Variants in SLC2A14 observed in about 807,000 individuals in gnomAD.
SLC2A14 encodes solute carrier family 2, facilitated glucose transporter member 14.
In SLC2A14, 13 loss-of-function variants were observed where a neutral mutation model predicts 43.0. That is an observed-to-expected ratio of 0.30 (90% CI 0.20 to 0.48). SLC2A14 has a LOEUF of 0.48. SLC2A14 is among the 20% of genes least tolerant of loss of function. SLC2A14 has a pLI of 0.99. For missense variants in SLC2A14, 428 were observed against 620.4 expected (o/e 0.69, Z 3.29); for synonymous variants, 190 against 233.8 (o/e 0.81, Z 1.71).
At chr12:7,832,685 C>T (rs774071896) in intron 3 of SLC2A14, 37 bp downstream of exon 3, 7 of 1,599,848 alleles carry the variant, frequency 4.4e-6, no homozygotes, top group Non-Finnish European at 5.1e-6. Context: ...AATAATTTCC[C>T]TATTCCAGAT....
chr12:7,886,524 G>C (rs114940241), intron 1 of SLC2A14, among the ~76,000 whole-genome samples: 1 of 151,930 alleles, frequency 6.6e-6, no homozygotes, highest in East Asian at 1.9e-4. Flanking sequence ...ATAATAAAAA[G>C]GTTCTTTTTG....
At chr12:7,875,088 A>C (rs1338316980), upstream of SLC2A14, among the ~76,000 whole-genome samples, 1 of 130,764 alleles carries the variant, frequency 7.6e-6, no homozygotes, top group Non-Finnish European at 1.6e-5. Flanking sequence ...TTAATATTCT[A>C]TTTAAATTTA....
intron 4 of SLC2A14, 117 bp from the exon 5 acceptor site, chr12:7,830,123 TAAC>T (rs1305601727): frequency 5.2e-6 from 7 of 1,337,804 alleles, no homozygotes; most frequent in Non-Finnish European, 6.1e-6. Flanking sequence ...TTTTTTGGTC[TAAC>T]TTTTCTTTTT....
Position 7,844,662 on chromosome 12 carries a change from G to A in SLC2A14, c.19-11848C>T, listed in dbSNP as rs141441511. Among the ~76,000 whole-genome samples the A allele has an allele frequency of 2.8e-4, 43 of 151,626 alleles. 1 individual carries two copies. The highest frequency in any genetic ancestry group is 7.8e-4 in the East Asian group (4 of 5,144). On this transcript the variant is annotated intron_variant, in intron 2 of 10. Transcript: ENST00000431042. ...AGCAGTTTTCGTGCCTCAGCCTCCC[G>A]AGTAGCTGGGATTACAGGCAAATGC...
At chr12:7,882,147 C>T (rs988279412) in intron 1 of SLC2A14, among the ~76,000 whole-genome samples, 2 of 152,006 alleles carry the variant, frequency 1.3e-5, no homozygotes, top group African/African-American at 4.8e-5. Context: ...TTTGGGTCTG[C>T]ACTGCTTTTA....
chr12:7,837,587 G>A (rs1310608982), intron 2 of SLC2A14, among the ~76,000 whole-genome samples: 7 of 119,570 alleles, frequency 5.9e-5, no homozygotes, highest in East Asian at 2.8e-4. Context: ...GCAGTCAGCC[G>A]AGCTTGCACC....
chr12:7,816,453 G>A (rs986002925), intron 10 of SLC2A14, among the ~76,000 whole-genome samples: 1 of 149,522 alleles, frequency 6.7e-6, no homozygotes, highest in Non-Finnish European at 1.5e-5. Flanking sequence ...TGGCCAGGCT[G>A]GTCTCGAACT....
At chr12:7,870,142 C>T (rs555583347) in intron 1 of SLC2A14, among the ~76,000 whole-genome samples, 5 of 152,166 alleles carry the variant, frequency 3.3e-5, no homozygotes, top group African/African-American at 1.2e-4. Context: ...ATTCAGTAGC[C>T]ATTGAGAAGC....
chr12:7,839,935 A>C (rs1865794268), intron 2 of SLC2A14: 1 of 218,344 alleles, frequency 4.6e-6, no homozygotes, highest in South Asian at 3.7e-5. Context: ...AAAAAAAAAA[A>C]AAAAAAAAAA....
At position 7,851,959 on chromosome 12, in the gene SLC2A14, G is replaced by A. The variant is rs28408758; in HGVS notation, c.18+17904C>T. Among the ~76,000 whole-genome samples the A allele has an allele frequency of 2.1e-4, 32 of 152,260 alleles. No individual in the cohort carries two copies. In the South Asian group the frequency reaches 2.3e-3, roughly 11 times the overall value. On this transcript the variant is annotated intron_variant, in intron 2 of 10. Transcript: ENST00000431042. ...CCCACATTCTTATCTACCTGGTGAC[G>A]GGACAGTGACTTCTGCCCCCATCTC...
At chr12:7,829,190 C>A (rs1188819391) in intron 5 of SLC2A14, among the ~76,000 whole-genome samples, 1 of 151,706 alleles carries the variant, frequency 6.6e-6, no homozygotes, top group South Asian at 2.1e-4. Flanking sequence ...CCAGACTGGG[C>A]GACAGAGTGA....
chr12:7,843,836 T>C (rs373065128), intron 2 of SLC2A14, among the ~76,000 whole-genome samples: 25 of 151,752 alleles, frequency 1.6e-4, no homozygotes, highest in African/African-American at 5.8e-4. Flanking sequence ...CATCAGACGT[T>C]CCAATTACAA....
At chr12:7,887,929 C>T (rs755304449) in intron 1 of SLC2A14, among the ~76,000 whole-genome samples, 38 of 152,094 alleles carry the variant, frequency 2.5e-4, no homozygotes, top group African/African-American at 4.1e-4. Context: ...TTCAGAGTCA[C>T]GAGTCAAACT....
chr12:7,831,875 G>C (rs752473109), intron 3 of SLC2A14, 111 bp from the exon 4 acceptor site: 2 of 1,344,290 alleles, frequency 1.5e-6, no homozygotes, highest in Non-Finnish European at 2.0e-6. Context: ...TTGGAAGGCC[G>C]AGGCGGGTGG....
intron 2 of SLC2A14, among the ~76,000 whole-genome samples, chr12:7,856,667 T>C (rs1867415122): frequency 6.6e-6 from 1 of 152,162 alleles, no homozygotes; most frequent in African/African-American, 2.4e-5. Context: ...AGCACCACCC[T>C]ACTTTATCCA....
At chr12:7,870,205 G>T (rs1003976227) in intron 1 of SLC2A14, among the ~76,000 whole-genome samples, 2 of 152,104 alleles carry the variant, frequency 1.3e-5, no homozygotes, top group African/African-American at 4.8e-5. Flanking sequence ...AGGTAAAAAT[G>T]TCTCTCCTAT....
chr12:7,833,897 G>C (rs1451238902), intron 2 of SLC2A14, among the ~76,000 whole-genome samples: 1 of 152,000 alleles, frequency 6.6e-6, no homozygotes, highest in Non-Finnish European at 1.5e-5. Context: ...TTCCACCTTG[G>C]GGCAGCTCAA....
chr12:7,830,256 A>C (rs1864906390), intron 4 of SLC2A14, among the ~76,000 whole-genome samples: 1 of 151,540 alleles, frequency 6.6e-6, no homozygotes, highest in Non-Finnish European at 1.5e-5. Flanking sequence ...AGGTTCAAGC[A>C]ATTCTCTGCC....
At chr12:7,843,308 G>A (rs1424377163) in intron 2 of SLC2A14, among the ~76,000 whole-genome samples, 1 of 149,644 alleles carries the variant, frequency 6.7e-6, no homozygotes, top group Non-Finnish European at 1.5e-5. Context: ...GGAGGCATGG[G>A]AGGGGCACGC....
Sources: gnomAD v4.1 joint callset for allele counts (sites outside exome capture counted in the v4.1 genomes callset) on GRCh38, gnomAD v4.1.1 for gene constraint, MANE v1.5 for transcripts, NCBI Gene and HGNC (gene_info 2026-07-23, HGNC 2026-07-21) for gene names.